Variants in PEG3 observed in about 807,000 individuals in gnomAD.
The protein encoded by PEG3 is paternally-expressed gene 3 protein.
In PEG3, 23 loss-of-function variants were observed where a neutral mutation model predicts 35.5. The observed-to-expected ratio is 0.65, with a 90% CI of 0.47 to 0.92. The LOEUF (loss-of-function observed/expected upper bound fraction) is 0.92, where lower values mean the gene tolerates loss of function less well. Among genes scored for constraint, PEG3 ranks in the 40% least tolerant of loss-of-function variants. The pLI, the probability that PEG3 is intolerant of heterozygous loss-of-function variation, is 0.00. For synonymous variants in PEG3, 707 were observed against 697.0 expected (o/e 1.01, Z -0.23); for missense variants, 1,960 against 1,985.3 (o/e 0.99, Z 0.24).
rs1470499449 is a variant in PEG3, at chr19:56,812,443, G to T, written c.*1232C>A. On this transcript the variant is annotated 3_prime_UTR_variant, in exon 10 of 10. Coordinates refer to ENST00000326441, the MANE Select transcript of PEG3 (RefSeq NM_006210.3). Reference sequence around the variant, plus strand: ...ATTTTTTTTTTTTTAATGCAAGTTAGACATGGAGTTAGAGGGTCAGATAAA... The same window carrying T: ...ATTTTTTTTTTTTTAATGCAAGTTATACATGGAGTTAGAGGGTCAGATAAA... 4 of 983,722 alleles carry T rather than the reference G, an allele frequency of 4.1e-6. No homozygotes were observed. The highest frequency in any genetic ancestry group is 4.8e-6 in the Non-Finnish European group (4 of 828,728). 60.9% of individuals were successfully genotyped at this position (983,722 alleles called of 1,614,324 possible).
At chr19:56,837,527 G>A (rs919029807) in intron 1 of PEG3, among the ~76,000 whole-genome samples, 3 of 152,252 alleles carry the variant, frequency 2.0e-5, no homozygotes, top group African/African-American at 7.2e-5. Context: ...ACCCAAGGCT[G>A]CACAGCTGAA....
chr19:56,815,687 C>T lies in PEG3; in HGVS notation c.2755G>A (p.Asp919Asn). 6.2e-7 allele frequency: 1 copy of T among 1,614,184 alleles called. No homozygotes were observed. Among genetic ancestry groups the T allele is most frequent in the Non-Finnish European group, 8.5e-7 (1 of 1,180,014 alleles). The change falls in exon 10 of 10, where the codon GAT (aspartate) becomes AAT (asparagine). Residue 919 changes from aspartate to asparagine, a missense_variant. By Grantham distance (23) the Asp-to-Asn change is conservative. Transcript: ENST00000326441. ...PGEGSGEFKK[D>N]GEFSVPSSNV... Reference sequence around the variant, plus strand: ...GAGCTGGGAACAGAGAATTCGCCATCCTTCTTAAACTCACCAGATCCCTCT... The same window carrying T: ...GAGCTGGGAACAGAGAATTCGCCATTCTTCTTAAACTCACCAGATCCCTCT...
In PEG3 at chr19:56,816,388, C is replaced by T. The variant is rs2146194748; in HGVS notation, c.2054G>A (p.Cys685Tyr). Reference protein sequence around the residue: ...RQKTYNKEKLCDFTDGRDAFM... With the variant: ...RQKTYNKEKLYDFTDGRDAFM... Reference sequence around the variant, plus strand: ...GGCATCCCGGCCATCTGTAAAGTCACAGAGCTTCTCCTTATTGTAAGTTTT... The same window carrying T: ...GGCATCCCGGCCATCTGTAAAGTCATAGAGCTTCTCCTTATTGTAAGTTTT... Residue 685 changes from cysteine (C) to tyrosine (Y), a missense_variant, in exon 10 of 10, where the codon TGT becomes TAT. Physicochemically the swap from Cys to Tyr is radical, Grantham distance 194. This residue lies in a region of PEG3 where 798 missense variants were observed against 782.4 expected (regional missense o/e 1.02). Transcript: ENST00000326441. 1.2e-6 allele frequency: 2 copies of T among 1,614,068 alleles called. No homozygotes were observed. The highest frequency in any genetic ancestry group is 8.5e-7 in the Non-Finnish European group (1 of 1,179,958).
rs2059590440 is a variant in PEG3, at chr19:56,812,243, AC to A, written c.*1431del. 1.0e-6 allele frequency: 1 copy of A among 977,842 alleles called. No homozygotes were observed. Among genetic ancestry groups the A allele is most frequent in the Non-Finnish European group, 1.2e-6 (1 of 823,210 alleles). The allele number at this position is 977,842 out of a possible 1,614,324, so 60.6% of individuals were successfully genotyped here. Reference sequence around the variant, plus strand: ...GCACAGGTAGTCCACAGAATAGGACACAAGAAACCTCAAGCTGTGAGGTCAA... The same window carrying A: ...GCACAGGTAGTCCACAGAATAGGACAAAGAAACCTCAAGCTGTGAGGTCAA... On this transcript the variant is annotated 3_prime_UTR_variant, in exon 10 of 10. Transcript: ENST00000326441.
intron 2 of PEG3, among the ~76,000 whole-genome samples, chr19:56,827,776 G>A (rs999337520): frequency 6.6e-5 from 10 of 152,124 alleles, no homozygotes; most frequent in Admixed American, 5.9e-4. Context: ...AAATAAATGA[G>A]TATGAAATGA....
In PEG3 at chr19:56,813,534, G is replaced by T; in HGVS notation, c.*141C>A. 6.9e-7 allele frequency: 1 copy of T among 1,442,072 alleles called. No homozygotes were observed. 89.3% of individuals were successfully genotyped at this position (1,442,072 alleles called of 1,614,324 possible). On this transcript the variant is annotated 3_prime_UTR_variant, in exon 10 of 10. Coordinates refer to ENST00000326441, the MANE Select transcript of PEG3 (RefSeq NM_006210.3). ...TGCACATTCGGTCTCTTTTCAATCT[G>T]AGTTTAGAGATGTTAAGTCAGGTGT...
chr19:56,821,754 C>A lies in PEG3; in HGVS notation c.566G>T (p.Arg189Met). 1 of 1,613,764 alleles carries A rather than the reference C, an allele frequency of 6.2e-7. No homozygotes were observed. Residue 189 changes from arginine (R) to methionine (M), a missense_variant and splice_region_variant, in exon 7 of 10, where the codon AGG becomes ATG. Around this residue, in one of 5 missense-constraint regions of PEG3, gnomAD observed 613 missense variants for 577.1 expected, o/e 1.06. Transcript: ENST00000326441. ...AAGGGAAAGATCCCGCGGAGGCATC[C>A]CTGGGAAGAAAAAAGGCATCAACAA... is the stretch of plus-strand genomic sequence containing the variant. ...RWSHTRNPRS[R>M]MPPRDLSLPV...
chr19:56,815,535 A>G lies in PEG3; in HGVS notation c.2907T>C (p.Tyr969=). The G allele has an allele frequency of 6.2e-7, 1 of 1,614,130 alleles. No individual in the cohort carries two copies. The highest frequency in any genetic ancestry group is 8.5e-7 in the Non-Finnish European group (1 of 1,179,990). The change falls in exon 10 of 10, where the codon TAT becomes TAC. Residue 969 remains tyrosine, a synonymous_variant. Coordinates refer to ENST00000326441, the MANE Select transcript of PEG3 (RefSeq NM_006210.3). The stretch of plus-strand genomic sequence containing the variant: ...AGCACTCCCCACACTCCTGACATTC[A>G]TAGAGCATCCCTCGAGGGCGAAATG... ...EQTFRPRGML[Y]ECQECGECFA...
intron 2 of PEG3, among the ~76,000 whole-genome samples, chr19:56,832,104 T>C (rs1017058603): frequency 1.3e-5 from 2 of 152,246 alleles, no homozygotes; most frequent in Non-Finnish European, 2.9e-5. Context: ...AAATGATTAA[T>C]AATAACAAGT....
chr19:56,818,025 T>C (rs1051398144), intron 8 of PEG3, among the ~76,000 whole-genome samples, 190 bp from the exon 9 acceptor site: 2 of 152,236 alleles, frequency 1.3e-5, no homozygotes, highest in Admixed American at 6.5e-5. Context: ...CTAATCTACA[T>C]GTAATTCTTC....
rs2146189850 is a variant in PEG3, at chr19:56,816,153, G to A, written c.2289C>T (p.Pro763=). The A allele has an allele frequency of 6.2e-7, 1 of 1,613,780 alleles. No homozygotes were observed. Among genetic ancestry groups the A allele is most frequent in the Non-Finnish European group, 8.5e-7 (1 of 1,179,772 alleles). The change falls in exon 10 of 10, where the codon CCC becomes CCT. Residue 763 remains proline (P), a synonymous_variant. Coordinates refer to ENST00000326441, the MANE Select transcript of PEG3 (RefSeq NM_006210.3). ...TTGCCTCATAGACATTTTCCTTAGTGGGAATCTTCTGGTTTTCATAGGGGT... is the reference window on the plus strand; with the variant it reads ...TTGCCTCATAGACATTTTCCTTAGTAGGAATCTTCTGGTTTTCATAGGGGT... ...SSNPYENQKI[P]TKENVYEAKS...
rs755300490 is a variant in PEG3 at position 56,824,240 on chromosome 19, AAC to A, written c.394+20_394+21del. 2 of 1,609,016 alleles carry A rather than the reference AAC, an allele frequency of 1.2e-6. No individual in the cohort carries two copies. The highest frequency in any genetic ancestry group is 1.7e-6 in the Non-Finnish European group (2 of 1,177,380). Reference sequence around the variant, plus strand: ...ACACCTGAGGCCTGCACTGACCACCAACACCCCGTGGAGACTCTCACCTTCTG... The same window carrying A: ...ACACCTGAGGCCTGCACTGACCACCAACCCCGTGGAGACTCTCACCTTCTG... On this transcript the variant is annotated intron_variant, in intron 4 of 9. Transcript: ENST00000326441.
intron 1 of PEG3, among the ~76,000 whole-genome samples, chr19:56,839,345 CCT>C: frequency 6.6e-6 from 1 of 151,934 alleles, no homozygotes; most frequent in Non-Finnish European, 1.5e-5. Context: ...TGCCCCGCCC[CCT>C]CTGCTACCAA....
Position 56,816,914 on chromosome 19 carries a change from A to C in PEG3, c.1528T>G (p.Cys510Gly). The change falls in exon 10 of 10, where the codon TGT (cysteine) becomes GGT (glycine). Residue 510 changes from cysteine to glycine, a missense_variant. Physicochemically the swap from Cys to Gly is radical, Grantham distance 159 (BLOSUM62 -3). Around this residue, in one of 5 missense-constraint regions of PEG3, gnomAD observed 798 missense variants for 782.4 expected, o/e 1.02. Coordinates refer to ENST00000326441, the MANE Select transcript of PEG3 (RefSeq NM_006210.3). ...VGGKRFECKDCGETFNKSAAL... is the reference protein window; with the variant it reads ...VGGKRFECKDGGETFNKSAAL... ...GCACTCTTATTGAAGGTCTCTCCAC[A>C]GTCCTTACATTCAAAACGTTTCCCT... 1.2e-6 allele frequency: 2 copies of C among 1,614,210 alleles called. No homozygotes were observed. Among genetic ancestry groups the C allele is most frequent in the Non-Finnish European group, 1.7e-6 (2 of 1,180,022 alleles).
At chr19:56,838,817 G>T (rs1001815977) in intron 1 of PEG3, among the ~76,000 whole-genome samples, 3 of 152,168 alleles carry the variant, frequency 2.0e-5, no homozygotes, top group Admixed American at 6.5e-5. Context: ...TTCCATCACC[G>T]CAAGGCAGGC....
Position 56,811,152 on chromosome 19 carries a change from A to G in PEG3, c.*2523T>C. 1 of 980,674 alleles carries G rather than the reference A, an allele frequency of 1.0e-6. No individual in the cohort carries two copies. Among genetic ancestry groups the G allele is most frequent in the Non-Finnish European group, 1.2e-6 (1 of 825,604 alleles). The allele number at this position is 980,674 out of a possible 1,614,324, so 60.7% of individuals were successfully genotyped here. A position where few individuals can be genotyped will look rare whatever the true frequency, so the allele number is the denominator to read the frequency against. On this transcript the variant is annotated 3_prime_UTR_variant, in exon 10 of 10. Coordinates refer to ENST00000326441, the MANE Select transcript of PEG3 (RefSeq NM_006210.3). ...TCCAAGTGTGTGATAATGAGTTCAAATTATGTTCACAATGAAAATGTGATC... is the reference window on the plus strand; with the variant it reads ...TCCAAGTGTGTGATAATGAGTTCAAGTTATGTTCACAATGAAAATGTGATC...
At position 56,816,859 on chromosome 19, in the gene PEG3, G is replaced by C. The variant is rs770674749; in HGVS notation, c.1583C>G (p.Ala528Gly). 13 of 1,614,062 alleles carry C rather than the reference G, an allele frequency of 8.1e-6. No homozygotes were observed. The highest frequency in any genetic ancestry group is 1.6e-4 in the Middle Eastern group (1 of 6,062). The change falls in exon 10 of 10, where the codon GCT becomes GGT. Residue 528 changes from alanine (A) to glycine (G), a missense_variant. Transcript: ENST00000326441. The stretch of plus-strand genomic sequence containing the variant: ...CTTACATTCCACAAGATAACCTCTA[G>C]CATGAATCTTCCGATGTTCAGCCAA... ...AALAEHRKIH[A>G]RGYLVECKNQ...
Position 56,815,128 on chromosome 19 carries a change from T to C in PEG3, c.3314A>G (p.Lys1105Arg). The C allele has an allele frequency of 6.2e-7, 1 of 1,613,904 alleles. No individual in the cohort carries two copies. The highest frequency in any genetic ancestry group is 8.5e-7 in the Non-Finnish European group (1 of 1,179,878). ...EDPQKDDPDDKIYECEDCGLG... is the reference protein window; with the variant it reads ...EDPQKDDPDDRIYECEDCGLG... ...GCCACAGTCCTCACATTCATAGATT[T>C]TGTCATCAGGGTCATCCTTCTGAGG... The change falls in exon 10 of 10, where the codon AAA becomes AGA. Residue 1105 changes from lysine to arginine, a missense_variant. By Grantham distance (26) the Lys-to-Arg change is conservative. Around this residue, in one of 5 missense-constraint regions of PEG3, gnomAD observed 798 missense variants for 782.4 expected, o/e 1.02. Coordinates refer to ENST00000326441, the MANE Select transcript of PEG3 (RefSeq NM_006210.3).
At chr19:56,818,452 C>G in intron 8 of PEG3, 148 bp downstream of exon 8, 1 of 836,152 alleles carries the variant, frequency 1.2e-6, no homozygotes, top group Non-Finnish European at 1.8e-6. Flanking sequence ...ATCATTTACT[C>G]CCTCATTTGA....
Sources: allele counts gnomAD v4.1 joint callset (sites outside exome capture counted in the v4.1 genomes callset), GRCh38; gene constraint gnomAD v4.1.1; regional missense constraint gnomAD v4.1.1; transcripts MANE v1.5; gene names NCBI Gene and HGNC (gene_info 2026-07-23, HGNC 2026-07-21).